Variants in THSD4 observed in about 807,000 individuals in gnomAD.
The protein encoded by THSD4 is thrombospondin type-1 domain-containing protein 4.
THSD4 carries 69 observed loss-of-function variants against 119.0 expected under a neutral mutation model. The ratio of observed to expected loss-of-function variants is 0.58; its 90% CI spans 0.48 to 0.71. The LOEUF (loss-of-function observed/expected upper bound fraction) is 0.71. THSD4 is among the 30% of genes least tolerant of loss of function. The pLI is 0.00. For missense variants in THSD4, 1,393 were observed against 1,391.1 expected (o/e 1.00, Z -0.02); for synonymous variants, 524 against 540.4 (o/e 0.97, Z 0.42).
rs528969567 is a variant in THSD4 at position 71,352,302 on chromosome 15, C to CA, written c.1016-59382dup. On this transcript the variant is annotated intron_variant, in intron 6 of 17. Transcript: ENST00000261862. ...AGGTTAAGGTTTGATGATGGATCCA[C>CA]AAAGCAAACTTCTGGCTGAAGACAC... Among the ~76,000 whole-genome samples, 132 of 152,330 alleles carry CA rather than the reference C, an allele frequency of 8.7e-4. 4 individuals are homozygous for CA. The South Asian group carries it at 0.026, about 30-fold the overall frequency.
chr15:71,577,967 A>G (rs2140909789), intron 7 of THSD4, among the ~76,000 whole-genome samples: 1 of 150,918 alleles, frequency 6.6e-6, no homozygotes, highest in Non-Finnish European at 1.5e-5. Flanking sequence ...AGATGATCCG[A>G]TGGAGGGAGG....
At chr15:71,192,770 G>A (rs895647935) in intron 3 of THSD4, among the ~76,000 whole-genome samples, 1 of 152,078 alleles carries the variant, frequency 6.6e-6, no homozygotes. Flanking sequence ...TCATACTCTT[G>A]TCCATGACAA....
Position 71,500,812 on chromosome 15 carries a change from C to T in THSD4, c.1152+88989C>T, listed in dbSNP as rs570669161. On this transcript the variant is annotated intron_variant, in intron 7 of 17. Transcript: ENST00000261862. The stretch of plus-strand genomic sequence containing the variant: ...ATATGTGAGAATTTATTCTTGGGTT[C>T]TCTCTTCTGTTGCATTGGTCTCCAT... Among the ~76,000 whole-genome samples the T allele has an allele frequency of 1.4e-3, 215 of 152,276 alleles. 6 individuals carry two copies. The South Asian group carries it at 0.042, about 30-fold the overall frequency.
intron 12 of THSD4, 115 bp from the exon 13 acceptor site, chr15:71,746,722 TA>T: frequency 8.7e-7 from 1 of 1,147,342 alleles, no homozygotes. Context: ...AATGCTCTAG[TA>T]AGAAACTCTA....
intron 7 of THSD4, among the ~76,000 whole-genome samples, chr15:71,542,726 G>C (rs1003094078): frequency 2.0e-5 from 3 of 151,832 alleles, no homozygotes; most frequent in African/African-American, 7.3e-5. Context: ...AGATACAAAA[G>C]ATTAGCTGGG....
chr15:71,325,564 TGTCACA>T (rs2140365657), intron 6 of THSD4, among the ~76,000 whole-genome samples: 1 of 152,334 alleles, frequency 6.6e-6, no homozygotes, highest in East Asian at 1.9e-4. Context: ...AACTGGGATA[TGTCACA>T]GTCACAGTCC....
chr15:71,525,328 A>G (rs967350944), intron 7 of THSD4, among the ~76,000 whole-genome samples: 1 of 152,188 alleles, frequency 6.6e-6, no homozygotes, highest in Non-Finnish European at 1.5e-5. Flanking sequence ...AACTTTAAGC[A>G]TCCTAATGTT....
chr15:71,338,892 C>A (rs140040820), intron 6 of THSD4, among the ~76,000 whole-genome samples: 1 of 152,216 alleles, frequency 6.6e-6, no homozygotes, highest in Non-Finnish European at 1.5e-5. Context: ...TGTCTGGAAA[C>A]CAGAGTTGGA....
At chr15:71,445,173 A>G (rs2047163786) in intron 7 of THSD4, among the ~76,000 whole-genome samples, 1 of 152,100 alleles carries the variant, frequency 6.6e-6, no homozygotes, top group African/African-American at 2.4e-5. Flanking sequence ...CATTTCTTCT[A>G]TAGTGCTGTT....
At chr15:71,453,437 T>A (rs530131361) in intron 7 of THSD4, among the ~76,000 whole-genome samples, 1 of 152,342 alleles carries the variant, frequency 6.6e-6, no homozygotes, top group Non-Finnish European at 1.5e-5. Context: ...GATGCCTCAC[T>A]GTGAGGGCCA....
chr15:71,218,501 A>G (rs765486393), intron 4 of THSD4, among the ~76,000 whole-genome samples: 3 of 152,166 alleles, frequency 2.0e-5, no homozygotes, highest in Non-Finnish European at 4.4e-5. Flanking sequence ...TTTTTCTTCA[A>G]ATGTATTGAC....
At chr15:71,691,919 C>T (rs980635368) in intron 8 of THSD4, among the ~76,000 whole-genome samples, 5 of 152,070 alleles carry the variant, frequency 3.3e-5, no homozygotes, top group Admixed American at 2.0e-4. Context: ...TCAAGATTCC[C>T]GAAGATCAAG....
At chr15:71,521,256 C>T (rs1192785742) in intron 7 of THSD4, among the ~76,000 whole-genome samples, 1 of 152,110 alleles carries the variant, frequency 6.6e-6, no homozygotes, top group Non-Finnish European at 1.5e-5. Flanking sequence ...ACTCTCCCTG[C>T]AAACAAGAAA....
upstream of THSD4, chr15:71,112,262 A>G (rs116772927): frequency 8.8e-4 from 1,398 of 1,582,524 alleles, 16 homozygotes; most frequent in African/African-American, 0.017. Context: ...ACAGTCTTCT[A>G]TAGGATGTCG....
At chr15:71,358,400 G>A (rs927499603) in intron 6 of THSD4, among the ~76,000 whole-genome samples, 1 of 152,140 alleles carries the variant, frequency 6.6e-6, no homozygotes, top group Non-Finnish European at 1.5e-5. Flanking sequence ...ATAGGACTTG[G>A]GGCAGCCATC....
At chr15:71,414,201 G>A (rs1009802750) in intron 7 of THSD4, among the ~76,000 whole-genome samples, 6 of 152,198 alleles carry the variant, frequency 3.9e-5, no homozygotes, top group East Asian at 1.9e-4. Context: ...CCTGTGTTGC[G>A]GTGAAGAGTC....
chr15:71,603,230 T>C (rs1385775691), intron 7 of THSD4, among the ~76,000 whole-genome samples: 1 of 152,032 alleles, frequency 6.6e-6, no homozygotes, highest in African/African-American at 2.4e-5. Context: ...CACAGACACA[T>C]TGAAGGGTGA....
At position 71,547,379 on chromosome 15, in the gene THSD4, T is replaced by C. The variant is rs1223089136; in HGVS notation, c.1153-113151T>C. On this transcript the variant is annotated intron_variant, in intron 7 of 17. Transcript: ENST00000261862. Reference sequence around the variant, plus strand: ...TGTTAGCACTTGGCAGACGGAGTTCTCCTCTAGGGTAGTTCTAACTTTGGG... The same window carrying C: ...TGTTAGCACTTGGCAGACGGAGTTCCCCTCTAGGGTAGTTCTAACTTTGGG... 5 of 1,548,546 alleles carry C rather than the reference T, an allele frequency of 3.2e-6. No individual in the cohort carries two copies. In the Admixed American group the frequency reaches 7.9e-5, roughly 24 times the overall value.
intron 7 of THSD4, among the ~76,000 whole-genome samples, chr15:71,560,016 T>C (rs529663616): frequency 8.5e-5 from 13 of 152,356 alleles, no homozygotes; most frequent in Non-Finnish European, 1.6e-4. Context: ...TATTGTCTTA[T>C]ACTATACTTT....
Sources: allele counts gnomAD v4.1 joint callset (sites outside exome capture counted in the v4.1 genomes callset), GRCh38; gene constraint gnomAD v4.1.1; transcripts MANE v1.5; gene names NCBI Gene and HGNC (gene_info 2026-07-23, HGNC 2026-07-21).